ZKSCAN2: variants seen among roughly 807,000 people sequenced by gnomAD.
ZKSCAN2 encodes zinc finger protein with KRAB and SCAN domains 2.
ZKSCAN2 carries 38 observed loss-of-function variants against 90.5 expected under a neutral mutation model. The ratio of observed to expected loss-of-function variants is 0.42; its 90% CI spans 0.32 to 0.55. The LOEUF (loss-of-function observed/expected upper bound fraction) is 0.55, where lower values mean the gene tolerates loss of function less well. ZKSCAN2 is among the 20% of genes least tolerant of loss of function. The pLI, the probability that ZKSCAN2 is intolerant of heterozygous loss-of-function variation, is 0.11. For synonymous variants in ZKSCAN2, 429 were observed against 421.6 expected (o/e 1.02, Z -0.22); for missense variants, 1,167 against 1,202.6 (o/e 0.97, Z 0.44).
chr16:25,252,111 C>G (rs1392710355), intron 3 of ZKSCAN2, 76 bp from the exon 4 acceptor site: 13 of 1,539,624 alleles, frequency 8.4e-6, no homozygotes, highest in Non-Finnish European at 1.2e-5. Context: ...ACAGATGAGG[C>G]AGAGAAGAAC....
intron 3 of ZKSCAN2, among the ~76,000 whole-genome samples, chr16:25,252,651 C>A (rs1010710864): frequency 5.9e-5 from 9 of 152,092 alleles, no homozygotes; most frequent in Non-Finnish European, 2.9e-5. Context: ...TGGTAGCTCA[C>A]ACCTGTAATC....
At chr16:25,250,038 C>T (rs1962997166) in intron 4 of ZKSCAN2, among the ~76,000 whole-genome samples, 1 of 152,114 alleles carries the variant, frequency 6.6e-6, no homozygotes, top group Admixed American at 6.5e-5. Flanking sequence ...AGCCTGGGCG[C>T]AGTGGCTCAC....
chr16:25,247,785 C>T (rs536167710), intron 4 of ZKSCAN2, among the ~76,000 whole-genome samples: 20 of 152,222 alleles, frequency 1.3e-4, no homozygotes, highest in Admixed American at 3.3e-4. Context: ...ACATACATAA[C>T]ATACATACAT....
At chr16:25,251,776 T>C in intron 4 of ZKSCAN2, 133 bp downstream of exon 4, 1 of 1,003,998 alleles carries the variant, frequency 1.0e-6, no homozygotes, top group Non-Finnish European at 1.4e-6. Context: ...AGAACCTGGC[T>C]AAGTGATTAC....
Position 25,239,944 on chromosome 16 carries a change from T to C in ZKSCAN2, c.2776A>G (p.Lys926Glu). ...CGATGTTTGGTAAGAACAGAACTCT[T>C]ACTGAAACGTTTGCCACACTGGGCA... Reference protein sequence around the residue: ...GCAQCGKRFSKSSVLTKHREV... With the variant: ...GCAQCGKRFSESSVLTKHREV... Residue 926 changes from lysine to glutamate, a missense_variant, in exon 7 of 7, where the codon AAG (lysine) becomes GAG (glutamate). By Grantham distance (56) the Lys-to-Glu change is moderately conservative. Transcript: ENST00000328086. 1.9e-6 allele frequency: 3 copies of C among 1,614,204 alleles called. No individual in the cohort carries two copies. The highest frequency in any genetic ancestry group is 2.5e-6 in the Non-Finnish European group (3 of 1,180,034).
intron 4 of ZKSCAN2, among the ~76,000 whole-genome samples, chr16:25,248,127 C>T (rs1962964068): frequency 6.6e-6 from 1 of 151,854 alleles, no homozygotes; most frequent in Admixed American, 6.6e-5. Flanking sequence ...AAATATAAGA[C>T]CTGAAACCAT....
In ZKSCAN2 at chr16:25,244,244, A is replaced by G; in HGVS notation, c.1522T>C (p.Phe508Leu). The G allele has an allele frequency of 6.2e-7, 1 of 1,613,920 alleles. No homozygotes were observed. The highest frequency in any genetic ancestry group is 1.1e-5 in the South Asian group (1 of 91,066). The stretch of plus-strand genomic sequence containing the variant: ...CGAGTCTCACGGAGGATATCAAGAA[A>G]AGTCTTGGTTTCTTCATAGCCCCAG... Reference protein sequence around the residue: ...VHWGYEETKTFLDILRETRFY... With the variant: ...VHWGYEETKTLLDILRETRFY... Residue 508 changes from phenylalanine to leucine, a missense_variant, in exon 6 of 7, where the codon TTT (phenylalanine) becomes CTT (leucine). Phe to Leu is a conservative substitution (Grantham distance 22). Transcript: ENST00000328086.
chr16:25,239,504 T>G lies in ZKSCAN2; in HGVS notation c.*312A>C. On this transcript the variant is annotated 3_prime_UTR_variant, in exon 7 of 7. Coordinates refer to ENST00000328086, the MANE Select transcript of ZKSCAN2 (RefSeq NM_001012981.5). ...TATCCTTGAAGACAACTCTCACCCA[T>G]ATGGAAGATCTTGAATGTTGCCGAA... The G allele has an allele frequency of 4.3e-6, 1 of 231,952 alleles. No homozygotes were observed. Among genetic ancestry groups the G allele is most frequent in the Non-Finnish European group, 8.5e-6 (1 of 118,258 alleles). 14.4% of individuals were successfully genotyped at this position (231,952 alleles called of 1,614,324 possible). A position where few individuals can be genotyped will look rare whatever the true frequency, so the allele number is the denominator to read the frequency against.
At position 25,247,025 on chromosome 16, in the gene ZKSCAN2, C is replaced by T. The variant is rs1295331620; in HGVS notation, c.1171G>A (p.Glu391Lys). ...CTTTTGAACTTGGTTCGACACTGTT[C>T]TGGGGTTCTAAGGAAGCCACATTCT... Reference protein sequence around the residue: ...LRECGFLRTPEQCRTKFKSLQ... With the variant: ...LRECGFLRTPKQCRTKFKSLQ... The change falls in exon 5 of 7, where the codon GAA becomes AAA. Residue 391 changes from glutamate (E) to lysine (K), a missense_variant. Transcript: ENST00000328086. 10 of 1,614,180 alleles carry T rather than the reference C, an allele frequency of 6.2e-6. No homozygotes were observed. The highest frequency in any genetic ancestry group is 8.5e-6 in the Non-Finnish European group (10 of 1,180,034).
rs1171542596 is a variant in ZKSCAN2 at position 25,255,316 on chromosome 16, T to G, written c.476A>C (p.Gln159Pro). The G allele has an allele frequency of 1.2e-6, 2 of 1,613,872 alleles. No individual in the cohort carries two copies. Among genetic ancestry groups the G allele is most frequent in the African/African-American group, 2.7e-5 (2 of 75,034 alleles). Residue 159 changes from glutamine to proline, a missense_variant, in exon 2 of 7, where the codon CAG becomes CCG. Transcript: ENST00000328086. ...AWEVADFQPE[Q>P]VETQPRAVSR... ...CACCGCCCTGGGTTGGGTCTCCACC[T>G]GCTCTGGCTGGAAGTCTGCCACCTC...
intron 6 of ZKSCAN2, 86 bp downstream of exon 6, chr16:25,243,699 A>G (rs1962886702): frequency 7.0e-7 from 1 of 1,434,660 alleles, no homozygotes; most frequent in Non-Finnish European, 9.4e-7. Context: ...AGGAATATTC[A>G]TGAGCTATGT....
rs763476151 is a variant in ZKSCAN2, at chr16:25,240,276, G to C, written c.2444C>G (p.Ser815Cys). Residue 815 changes from serine (S) to cysteine (C), a missense_variant, in exon 7 of 7, where the codon TCC becomes TGC. Transcript: ENST00000328086. ...TCTCTGGTGGGCACCAAAATTTGAG[G>C]AGTCATTAAAGCTTTTTCCACAGTC... Reference protein sequence around the residue: ...CLDCGKSFNDSSNFGAHQRIH... With the variant: ...CLDCGKSFNDCSNFGAHQRIH... The C allele has an allele frequency of 3.1e-6, 5 of 1,609,110 alleles. No individual in the cohort carries two copies. Among genetic ancestry groups the C allele is most frequent in the African/African-American group, 1.4e-5 (1 of 73,536 alleles).
At chr16:25,253,255 G>C (rs1042083344) in intron 2 of ZKSCAN2, among the ~76,000 whole-genome samples, 4 of 152,104 alleles carry the variant, frequency 2.6e-5, no homozygotes, top group Non-Finnish European at 5.9e-5. Flanking sequence ...ACAGGATGAA[G>C]GGGACCAGGT....
chr16:25,253,497 T>C (rs1488107588), intron 2 of ZKSCAN2, among the ~76,000 whole-genome samples: 2 of 151,476 alleles, frequency 1.3e-5, no homozygotes, highest in Non-Finnish European at 2.9e-5. Flanking sequence ...TTGCAATGCA[T>C]TCCATCATAA....
Position 25,255,218 on chromosome 16 carries a change from A to G in ZKSCAN2, c.574T>C (p.Leu192=). 1 of 1,602,772 alleles carries G rather than the reference A, an allele frequency of 6.2e-7. No individual in the cohort carries two copies. The highest frequency in any genetic ancestry group is 8.5e-7 in the Non-Finnish European group (1 of 1,176,692). The change falls in exon 2 of 7, where the codon TTA becomes CTA. Residue 192 remains leucine (L), a synonymous_variant. Coordinates refer to ENST00000328086, the MANE Select transcript of ZKSCAN2 (RefSeq NM_001012981.5). ...QLNRKRERRP[L]PKNARPSPWV... is the part of the protein sequence containing the mutation. ...TCTTCCCTCTTACCATTCTTGGGTA[A>G]GGGCCGACGTTCTCGCTTTCGGTTC...
At chr16:25,255,980 C>T (rs1026474146) in intron 1 of ZKSCAN2, among the ~76,000 whole-genome samples, 1 of 152,154 alleles carries the variant, frequency 6.6e-6, no homozygotes, top group Admixed American at 6.5e-5. Flanking sequence ...ATATCTGTTA[C>T]GTTCGCAAAG....
At chr16:25,241,925 A>C (rs577158583) in intron 6 of ZKSCAN2, among the ~76,000 whole-genome samples, 4 of 152,356 alleles carry the variant, frequency 2.6e-5, no homozygotes, top group Admixed American at 1.3e-4. Context: ...GCTGGAGTGC[A>C]GTGGCATGAT....
At chr16:25,253,334 C>T (rs895004657) in intron 2 of ZKSCAN2, among the ~76,000 whole-genome samples, 1 of 152,078 alleles carries the variant, frequency 6.6e-6, no homozygotes, top group Admixed American at 6.6e-5. Flanking sequence ...GCTCAGGTCC[C>T]GCTCATGTCT....
intron 3 of ZKSCAN2, among the ~76,000 whole-genome samples, chr16:25,252,612 A>G (rs560384644): frequency 1.2e-4 from 19 of 152,238 alleles, no homozygotes; most frequent in South Asian, 8.3e-4. Context: ...CTAGTAAGGA[A>G]GGCCAGAGAA....
Sources: gnomAD v4.1 joint callset for allele counts (sites outside exome capture counted in the v4.1 genomes callset) on GRCh38, gnomAD v4.1.1 for gene constraint, MANE v1.5 for transcripts, NCBI Gene and HGNC (gene_info 2026-07-23, HGNC 2026-07-21) for gene names.